PDS5B: variants seen among roughly 807,000 people sequenced by gnomAD.
The protein encoded by PDS5B is PDS5 cohesin associated factor B, also known as sister chromatid cohesion protein PDS5 homolog B.
PDS5B carries 51 observed loss-of-function variants against 184.1 expected under a neutral mutation model. The observed-to-expected ratio is 0.28, with a 90% CI of 0.22 to 0.35. PDS5B has a LOEUF of 0.35. Among genes scored for constraint, PDS5B ranks in the 10% least tolerant of loss-of-function variants. PDS5B has a pLI of 1.00. For missense variants in PDS5B, 1,180 were observed against 1,723.3 expected (o/e 0.68, Z 5.58); for synonymous variants, 566 against 569.2 (o/e 0.99, Z 0.08).
intron 8 of PDS5B, 81 bp from the exon 9 acceptor site, chr13:32,675,763 G>A (rs1951048123): frequency 2.8e-6 from 2 of 724,770 alleles, no homozygotes; most frequent in East Asian, 2.5e-5. Context: ...GGAGCATCAG[G>A]GAAATTATGG....
At chr13:32,759,384 T>C (rs527672112) in intron 28 of PDS5B, among the ~76,000 whole-genome samples, 2 of 152,316 alleles carry the variant, frequency 1.3e-5, no homozygotes, top group African/African-American at 4.8e-5. Flanking sequence ...TAAAGAAGCA[T>C]GTGTTTTCTG....
chr13:32,758,734 C>A, intron 28 of PDS5B, 81 bp downstream of exon 28: 2 of 1,410,166 alleles, frequency 1.4e-6, no homozygotes, highest in South Asian at 1.3e-5. Context: ...CAGGAAGGAT[C>A]ATGGAAAAAT....
intron 7 of PDS5B, among the ~76,000 whole-genome samples, chr13:32,672,625 A>G (rs372144028): frequency 2.0e-5 from 3 of 152,314 alleles, no homozygotes; most frequent in African/African-American, 7.2e-5. Flanking sequence ...CTATTGGTGC[A>G]ATTTCTGGAG....
At chr13:32,744,382 A>G (rs1353439492) in intron 23 of PDS5B, among the ~76,000 whole-genome samples, 3 of 152,146 alleles carry the variant, frequency 2.0e-5, no homozygotes, top group Non-Finnish European at 2.9e-5. Flanking sequence ...TAGAGACATA[A>G]CAGGTGGAGT....
intron 10 of PDS5B, among the ~76,000 whole-genome samples, chr13:32,680,819 G>A (rs111772270): frequency 3.5e-4 from 53 of 152,154 alleles, no homozygotes; most frequent in African/African-American, 1.2e-3. Flanking sequence ...AAGAGACAGG[G>A]TCTTACTCTG....
chr13:32,648,964 TG>T (rs1421436532), intron 2 of PDS5B, 84 bp downstream of exon 2: 1 of 744,594 alleles, frequency 1.3e-6, no homozygotes, highest in Non-Finnish European at 2.4e-6. Flanking sequence ...TGTATCTTGT[TG>T]GGGTAACTTA....
intron 30 of PDS5B, among the ~76,000 whole-genome samples, chr13:32,764,087 ATG>A (rs994553608): frequency 2.0e-5 from 3 of 152,080 alleles, no homozygotes; most frequent in Non-Finnish European, 4.4e-5. Flanking sequence ...TACGTAATAA[ATG>A]TAATAATTAT....
At chr13:32,655,375 T>TATATATATATA (rs1555296358) in intron 3 of PDS5B, among the ~76,000 whole-genome samples, 16,652 of 49,358 alleles carry the variant, frequency 0.34, 3,482 homozygotes, top group Non-Finnish European at 0.39. Context: ...TATATATATA[T>TATATATATATA]TTTTTTTTTT....
At chr13:32,723,590 CTG>C (rs1952794612) in intron 19 of PDS5B, among the ~76,000 whole-genome samples, 2 of 152,040 alleles carry the variant, frequency 1.3e-5, no homozygotes, top group African/African-American at 4.8e-5. Flanking sequence ...TTTAAAATAA[CTG>C]AGTATGTAAA....
intron 33 of PDS5B, 53 bp from the exon 34 acceptor site, chr13:32,773,136 A>G: frequency 1.3e-5 from 19 of 1,474,806 alleles, no homozygotes; most frequent in Non-Finnish European, 1.7e-5. Flanking sequence ...CTAACGAGGT[A>G]ATCTACTGAA....
intron 18 of PDS5B, among the ~76,000 whole-genome samples, chr13:32,707,854 G>A (rs1159838465): frequency 6.6e-6 from 1 of 151,496 alleles, no homozygotes; most frequent in Non-Finnish European, 1.5e-5. Flanking sequence ...CTATCCTACC[G>A]AGGTAGGAGG....
intron 13 of PDS5B, chr13:32,691,014 T>C (rs536658998): frequency 7.2e-5 from 11 of 152,190 alleles, no homozygotes; most frequent in African/African-American, 2.2e-4. Context: ...TTTTTAATTA[T>C]GTAATAATAA....
intron 7 of PDS5B, among the ~76,000 whole-genome samples, chr13:32,670,996 A>T (rs1336485791): frequency 1.3e-5 from 2 of 152,268 alleles, no homozygotes; most frequent in Non-Finnish European, 2.9e-5. Context: ...GTATGTAATT[A>T]GCTACGCTTT....
intron 13 of PDS5B, among the ~76,000 whole-genome samples, chr13:32,692,414 C>CTTT (rs1593440334): frequency 0.018 from 1,231 of 69,132 alleles, 417 homozygotes; most frequent in African/African-American, 0.053. Flanking sequence ...GTCCAAAAAG[C>CTTT]CTTTTTTTTT....
chr13:32,717,866 G>A, intron 19 of PDS5B, among the ~76,000 whole-genome samples: 1 of 151,066 alleles, frequency 6.6e-6, no homozygotes. Context: ...TAACTAACAT[G>A]AATACTAAAA....
intron 1 of PDS5B, among the ~76,000 whole-genome samples, chr13:32,648,003 A>G (rs1162960342): frequency 1.3e-5 from 2 of 152,118 alleles, no homozygotes; most frequent in East Asian, 3.8e-4. Context: ...TCATGTTTTG[A>G]GATTCTCTGG....
At chr13:32,620,819 T>TG (rs1192424704) in intron 1 of PDS5B, among the ~76,000 whole-genome samples, 1 of 152,226 alleles carries the variant, frequency 6.6e-6, no homozygotes, top group Non-Finnish European at 1.5e-5. Context: ...TTTTAACAAA[T>TG]GGGTACTGAT....
intron 19 of PDS5B, among the ~76,000 whole-genome samples, chr13:32,728,707 A>G (rs374674219): frequency 3.3e-4 from 50 of 152,196 alleles, no homozygotes; most frequent in African/African-American, 1.2e-3. Context: ...AAGCTCTTCT[A>G]GTTTGTTTCT....
intron 1 of PDS5B, among the ~76,000 whole-genome samples, chr13:32,595,620 G>C (rs966202508): frequency 1.3e-5 from 2 of 152,126 alleles, no homozygotes; most frequent in Non-Finnish European, 1.5e-5. Flanking sequence ...AGAAGAGTTA[G>C]GTATTGGAAA....
Sources: allele counts gnomAD v4.1 joint callset (sites outside exome capture counted in the v4.1 genomes callset), GRCh38; gene constraint gnomAD v4.1.1; transcripts MANE v1.5; gene names NCBI Gene and HGNC (gene_info 2026-07-23, HGNC 2026-07-21).